NALF1: variants seen among roughly 807,000 people sequenced by gnomAD.
NALF1 encodes the protein family with sequence similarity 155 member A.
In NALF1, 3 loss-of-function variants were observed where a neutral mutation model predicts 48.4. That is an observed-to-expected ratio of 0.06 (90% CI 0.03 to 0.16). The LOEUF is 0.16. Ranked by LOEUF, NALF1 falls within the 10% of genes least tolerant of loss-of-function variation. NALF1 has a pLI of 1.00. For missense variants in NALF1, 526 were observed against 571.5 expected, an observed-to-expected ratio of 0.92 and a Z score of 0.81; for synonymous variants, 262 against 245.7, an observed-to-expected ratio of 1.07 and a Z score of -0.62.
At chr13:107,274,454 T>C (rs963193712) in intron 1 of NALF1, among the ~76,000 whole-genome samples, 8 of 152,150 alleles carry the variant, frequency 5.3e-5, no homozygotes, top group East Asian at 1.9e-4. Flanking sequence ...GCCAACTCCA[T>C]GGGAAGTTCA....
intron 1 of NALF1, among the ~76,000 whole-genome samples, chr13:107,370,419 C>G (rs964729308): frequency 1.2e-4 from 19 of 152,172 alleles, no homozygotes; most frequent in African/African-American, 4.6e-4. Flanking sequence ...ACTGAGGAAT[C>G]TCAAAACTTA....
intron 1 of NALF1, among the ~76,000 whole-genome samples, chr13:107,302,380 T>C (rs549948367): frequency 1.7e-4 from 26 of 152,340 alleles, no homozygotes; most frequent in Admixed American, 8.5e-4. Flanking sequence ...AAGTGAGTAT[T>C]TGAAGGCCTC....
chr13:107,385,570 A>AC (rs1487184058), intron 1 of NALF1, among the ~76,000 whole-genome samples: 1 of 150,396 alleles, frequency 6.6e-6, no homozygotes, highest in Non-Finnish European at 1.5e-5. Flanking sequence ...AAAAAAAAAA[A>AC]AAAAAAACAA....
intron 1 of NALF1, among the ~76,000 whole-genome samples, chr13:107,500,746 C>T (rs1483155848): frequency 6.6e-6 from 1 of 151,416 alleles, no homozygotes; most frequent in East Asian, 1.9e-4. Context: ...AAATGTGGCA[C>T]ATATACACCA....
chr13:107,459,843 G>A (rs1378865094), intron 1 of NALF1, among the ~76,000 whole-genome samples: 1 of 152,158 alleles, frequency 6.6e-6, no homozygotes. Context: ...CAAGGCTCAA[G>A]TGATCCTCCC....
intron 1 of NALF1, among the ~76,000 whole-genome samples, chr13:107,538,767 C>G (rs1594117837): frequency 6.6e-6 from 1 of 152,250 alleles, no homozygotes; most frequent in South Asian, 2.1e-4. Context: ...CAGTTTACTT[C>G]TCACTAACAT....
chr13:107,186,842 C>T (rs1414216216), intron 2 of NALF1, among the ~76,000 whole-genome samples: 1 of 152,170 alleles, frequency 6.6e-6, no homozygotes, highest in Non-Finnish European at 1.5e-5. Context: ...ACTGGTTTAT[C>T]TACTCTGGGT....
chr13:107,375,955 C>A (rs1883328734), intron 1 of NALF1, among the ~76,000 whole-genome samples: 1 of 151,992 alleles, frequency 6.6e-6, no homozygotes, highest in Non-Finnish European at 1.5e-5. Context: ...TACACACACA[C>A]ACAGAATGAT....
At chr13:107,486,557 C>G (rs541186325) in intron 1 of NALF1, among the ~76,000 whole-genome samples, 1 of 152,134 alleles carries the variant, frequency 6.6e-6, no homozygotes, top group East Asian at 1.9e-4. Context: ...CGCCCTCTTA[C>G]GTTAGTGCTG....
At chr13:107,838,858 T>C (rs1277312278) in intron 1 of NALF1, among the ~76,000 whole-genome samples, 2 of 152,202 alleles carry the variant, frequency 1.3e-5, no homozygotes, top group Non-Finnish European at 2.9e-5. Context: ...AAAGTCATTA[T>C]ACGACAACAA....
chr13:107,628,443 G>A (rs958961090), intron 1 of NALF1, among the ~76,000 whole-genome samples: 3 of 152,014 alleles, frequency 2.0e-5, no homozygotes, highest in Middle Eastern at 3.2e-3. Flanking sequence ...CAAGTGATAC[G>A]CTAATGGATC....
chr13:107,370,981 C>T (rs1883239402), intron 1 of NALF1, among the ~76,000 whole-genome samples: 1 of 152,108 alleles, frequency 6.6e-6, no homozygotes, highest in South Asian at 2.1e-4. Flanking sequence ...TCCACCGCAT[C>T]CCTCCCACAA....
At chr13:107,630,052 G>A (rs759778844) in intron 1 of NALF1, among the ~76,000 whole-genome samples, 17 of 151,794 alleles carry the variant, frequency 1.1e-4, no homozygotes, top group African/African-American at 1.7e-4. Context: ...GACTCTCTTC[G>A]CCTAGTTAGA....
chr13:107,524,950 G>C (rs1308688144), intron 1 of NALF1, among the ~76,000 whole-genome samples: 1 of 151,124 alleles, frequency 6.6e-6, no homozygotes, highest in African/African-American at 2.5e-5. Context: ...CTCAGAGAGA[G>C]AGAGAGAAAA....
At chr13:107,199,051 G>T (rs975778276) in intron 2 of NALF1, among the ~76,000 whole-genome samples, 1 of 151,036 alleles carries the variant, frequency 6.6e-6, no homozygotes, top group African/African-American at 2.5e-5. Context: ...CAATAGGACA[G>T]ATGTCATTAT....
At chr13:107,504,803 C>T (rs1337086435) in intron 1 of NALF1, among the ~76,000 whole-genome samples, 2 of 152,164 alleles carry the variant, frequency 1.3e-5, no homozygotes, top group Non-Finnish European at 2.9e-5. Context: ...TCTGTTCATT[C>T]TAGGAGAAAA....
chr13:107,460,574 T>C (rs933059655), intron 1 of NALF1, among the ~76,000 whole-genome samples: 2 of 152,204 alleles, frequency 1.3e-5, no homozygotes, highest in Admixed American at 1.3e-4. Flanking sequence ...AAGAAAAGCA[T>C]TGATATGTTT....
At chr13:107,517,937 C>T (rs1291483035) in intron 1 of NALF1, among the ~76,000 whole-genome samples, 1 of 152,108 alleles carries the variant, frequency 6.6e-6, no homozygotes, top group Non-Finnish European at 1.5e-5. Flanking sequence ...CTGGATGACA[C>T]AGCGAGACAC....
chr13:107,418,292 C>A (rs1478436814), intron 1 of NALF1, among the ~76,000 whole-genome samples: 1 of 152,086 alleles, frequency 6.6e-6, no homozygotes, highest in Non-Finnish European at 1.5e-5. Flanking sequence ...ATCCCCTCCC[C>A]TCGAGTGTGA....
Sources: gnomAD v4.1 joint callset for allele counts (sites outside exome capture counted in the v4.1 genomes callset) on GRCh38, gnomAD v4.1.1 for gene constraint, MANE v1.5 for transcripts, NCBI Gene and HGNC (gene_info 2026-07-23, HGNC 2026-07-21) for gene names.